The following KIAA1328 variants were observed in gnomAD, a reference collection of about 807,000 sequenced individuals.
KIAA1328 encodes protein hinderin.
In KIAA1328, 52 loss-of-function variants were observed where a neutral mutation model predicts 68.1. The ratio of observed to expected loss-of-function variants is 0.76; its 90% CI spans 0.61 to 0.96. The LOEUF (loss-of-function observed/expected upper bound fraction) is 0.96, where lower values mean the gene tolerates loss of function less well. Ranked by LOEUF, KIAA1328 falls within the 40% of genes least tolerant of loss-of-function variation. The probability of loss-of-function intolerance (pLI) is 0.00; values close to 1 mark genes in which losing one functional copy is unlikely to be tolerated. For synonymous variants in KIAA1328, 232 were observed against 239.4 expected (o/e 0.97, Z 0.28); for missense variants, 641 against 677.6 (o/e 0.95, Z 0.60).
intron 6 of KIAA1328, among the ~76,000 whole-genome samples, chr18:37,002,585 T>C (rs915530103): frequency 1.3e-5 from 2 of 151,770 alleles, no homozygotes; most frequent in Non-Finnish European, 2.9e-5. Flanking sequence ...AATAAGGCAA[T>C]CTCATTTACA....
chr18:37,126,180 G>A (rs1568439850), intron 7 of KIAA1328, among the ~76,000 whole-genome samples: 1 of 152,146 alleles, frequency 6.6e-6, no homozygotes, highest in Non-Finnish European at 1.5e-5. Context: ...TAAGGTATAT[G>A]TGAACCATAA....
rs191096228 is a variant in KIAA1328 at position 36,877,124 on chromosome 18, A to G, written c.333-8433A>G. Among the ~76,000 whole-genome samples the G allele has an allele frequency of 1.4e-4, 21 of 152,190 alleles. No individual in the cohort carries two copies. The East Asian group carries it at 2.9e-3, about 21-fold the overall frequency. ...TGTGGTCAATTTTAGAATAAATGCT[A>G]TGTGGTGCTGAGAAGAATGTATATT... is the stretch of plus-strand genomic sequence containing the variant. On this transcript the variant is annotated intron_variant, in intron 4 of 9. Transcript: ENST00000280020.
intron 7 of KIAA1328, among the ~76,000 whole-genome samples, chr18:37,100,104 G>T (rs1387741648): frequency 6.6e-6 from 1 of 152,138 alleles, no homozygotes; most frequent in African/African-American, 2.4e-5. Context: ...CGATGCAGAA[G>T]ACGGGTCATT....
intron 6 of KIAA1328, among the ~76,000 whole-genome samples, chr18:36,991,087 AAAGT>A (rs1371543941): frequency 6.6e-6 from 1 of 152,230 alleles, no homozygotes; most frequent in African/African-American, 2.4e-5. Context: ...TTAAATTATA[AAAGT>A]AAGTTACATT....
intron 9 of KIAA1328, among the ~76,000 whole-genome samples, chr18:37,215,837 G>C (rs1222342211): frequency 2.0e-5 from 3 of 152,144 alleles, no homozygotes; most frequent in Admixed American, 6.5e-5. Context: ...CCTGTTATTG[G>C]TCTATTCAGG....
At chr18:37,074,912 GAT>G in intron 7 of KIAA1328, 1 of 152,184 alleles carries the variant, frequency 6.6e-6, no homozygotes, top group African/African-American at 2.4e-5. Context: ...CACTCTGCAG[GAT>G]ATTATCCAGG....
intron 5 of KIAA1328, among the ~76,000 whole-genome samples, chr18:36,902,570 A>G (rs2049077439): frequency 6.6e-6 from 1 of 152,076 alleles, no homozygotes; most frequent in African/African-American, 2.4e-5. Context: ...ATAATTCTAC[A>G]TTATGTTTTA....
chr18:36,865,171 CT>C (rs892419262), intron 4 of KIAA1328, among the ~76,000 whole-genome samples: 5 of 151,450 alleles, frequency 3.3e-5, no homozygotes, highest in African/African-American at 1.2e-4. Context: ...GCATTTAATG[CT>C]ATATACCTTC....
chr18:36,872,124 T>C (rs1249957076), intron 4 of KIAA1328, among the ~76,000 whole-genome samples: 1 of 152,076 alleles, frequency 6.6e-6, no homozygotes, highest in African/African-American at 2.4e-5. Flanking sequence ...CTATTATCCT[T>C]AGGATACTCG....
chr18:37,175,239 A>G (rs537544211), intron 9 of KIAA1328, among the ~76,000 whole-genome samples: 48 of 152,256 alleles, frequency 3.2e-4, no homozygotes, highest in Middle Eastern at 3.4e-3. Flanking sequence ...CCACTTTAAT[A>G]TATTGTTTTT....
chr18:36,993,648 T>C (rs892418598), intron 6 of KIAA1328, among the ~76,000 whole-genome samples: 2 of 152,156 alleles, frequency 1.3e-5, no homozygotes, highest in African/African-American at 2.4e-5. Flanking sequence ...AAAAGACATA[T>C]AAAGACATAA....
chr18:37,197,327 G>A lies in KIAA1328; in HGVS notation c.1523+24246G>A, dbSNP rs186250339. Among the ~76,000 whole-genome samples the A allele has an allele frequency of 1.1e-3, 167 of 151,182 alleles. 3 individuals are homozygous for A. The South Asian group carries it at 0.029, about 26-fold the overall frequency. Reference sequence around the variant, plus strand: ...GTCTCAATTTCATTTATTTCTGCTCGGACCTTATTATTTATTTCCTTCTAC... The same window carrying A: ...GTCTCAATTTCATTTATTTCTGCTCAGACCTTATTATTTATTTCCTTCTAC... On this transcript the variant is annotated intron_variant, in intron 9 of 9. Coordinates refer to ENST00000280020, the MANE Select transcript of KIAA1328 (RefSeq NM_020776.3).
chr18:36,923,206 T>C (rs2049991389), intron 5 of KIAA1328, among the ~76,000 whole-genome samples: 1 of 152,050 alleles, frequency 6.6e-6, no homozygotes, highest in South Asian at 2.1e-4. Flanking sequence ...AATCCTACAT[T>C]AGAAAAGAAG....
intron 4 of KIAA1328, among the ~76,000 whole-genome samples, chr18:36,861,722 G>A (rs1447846253): frequency 3.3e-5 from 5 of 152,024 alleles, no homozygotes; most frequent in Non-Finnish European, 7.4e-5. Context: ...CCAGGCTGAA[G>A]TAGTGATGTG....
At position 37,211,632 on chromosome 18, in the gene KIAA1328, C is replaced by T. The variant is rs576334615; in HGVS notation, c.1524-10385C>T. Among the ~76,000 whole-genome samples, 4 of 152,270 alleles carry T rather than the reference C, an allele frequency of 2.6e-5. No individual in the cohort carries two copies. In the East Asian group the frequency reaches 5.8e-4, roughly 22 times the overall value. On this transcript the variant is annotated intron_variant, in intron 9 of 9. Coordinates refer to ENST00000280020, the MANE Select transcript of KIAA1328 (RefSeq NM_020776.3). ...GAAAAATAATTGAACTGTATTAAGCCATTGGAATTCTGAAGGTAATTTGCT... is the reference window on the plus strand; with the variant it reads ...GAAAAATAATTGAACTGTATTAAGCTATTGGAATTCTGAAGGTAATTTGCT...
At chr18:37,096,540 G>A (rs1376161164) in intron 7 of KIAA1328, among the ~76,000 whole-genome samples, 1 of 152,184 alleles carries the variant, frequency 6.6e-6, no homozygotes. Context: ...ATAAACATAT[G>A]TGTGCATGTG....
rs552725110 is a variant in KIAA1328, at chr18:37,171,994, G to A, written c.1415-979G>A. ...CAAGGATAATGGTGATCATTTTGAC[G>A]CTAATCGCTATAGCTGTAAGACTCT... On this transcript the variant is annotated intron_variant, in intron 8 of 9. Coordinates refer to ENST00000280020, the MANE Select transcript of KIAA1328 (RefSeq NM_020776.3). Among the ~76,000 whole-genome samples, 56 of 152,288 alleles carry A rather than the reference G, an allele frequency of 3.7e-4. No homozygotes were observed. In the South Asian group the frequency reaches 6.4e-3, roughly 17 times the overall value.
At chr18:37,203,608 G>A (rs1405277306) in intron 9 of KIAA1328, among the ~76,000 whole-genome samples, 2 of 152,106 alleles carry the variant, frequency 1.3e-5, no homozygotes, top group African/African-American at 4.8e-5. Context: ...TTAATGTTAA[G>A]TACCAGGTAC....
intron 5 of KIAA1328, among the ~76,000 whole-genome samples, chr18:36,887,524 G>A (rs2048541324): frequency 6.6e-6 from 1 of 152,088 alleles, no homozygotes; most frequent in Admixed American, 6.5e-5. Context: ...AAAAGGGGAA[G>A]AGGTCCTGGT....
Sources: allele counts gnomAD v4.1 joint callset (sites outside exome capture counted in the v4.1 genomes callset), GRCh38; gene constraint gnomAD v4.1.1; transcripts MANE v1.5; gene names NCBI Gene and HGNC (gene_info 2026-07-23, HGNC 2026-07-21).